SYNE2: variants seen among roughly 807,000 people sequenced by gnomAD.
SYNE2 encodes spectrin repeat containing nuclear envelope protein 2, also known as nesprin-2.
A neutral mutation model predicts 856.3 loss-of-function variants in SYNE2; 431 were observed. The ratio of observed to expected loss-of-function variants is 0.50; its 90% CI spans 0.47 to 0.55. The LOEUF (loss-of-function observed/expected upper bound fraction) is 0.55, where lower values mean the gene tolerates loss of function less well. Ranked by LOEUF, SYNE2 falls within the 20% of genes least tolerant of loss-of-function variation. The pLI is 0.00. For synonymous variants in SYNE2, 2,923 were observed against 2,872.3 expected (o/e 1.02, Z -0.56); for missense variants, 8,129 against 8,023.2 (o/e 1.01, Z -0.50).
intron 109 of SYNE2, 82 bp from the exon 110 acceptor site, chr14:64,219,124 TAA>T: frequency 2.4e-6 from 2 of 845,412 alleles, no homozygotes; most frequent in South Asian, 1.6e-5. Flanking sequence ...TTTTTTTTTT[TAA>T]CCACCCTGAC....
At chr14:64,107,188 A>G (rs1382408272) in intron 64 of SYNE2, among the ~76,000 whole-genome samples, 1 of 152,172 alleles carries the variant, frequency 6.6e-6, no homozygotes, top group Non-Finnish European at 1.5e-5. Flanking sequence ...ACATACTTTT[A>G]AAGAATACTT....
chr14:63,883,314 C>G (rs2094908112), intron 1 of SYNE2, among the ~76,000 whole-genome samples: 2 of 151,940 alleles, frequency 1.3e-5, no homozygotes, highest in South Asian at 2.1e-4. Flanking sequence ...CTGCCTTGGC[C>G]TCCCAAAGTG....
At chr14:63,870,260 T>C (rs1257256845) in intron 1 of SYNE2, among the ~76,000 whole-genome samples, 1 of 151,930 alleles carries the variant, frequency 6.6e-6, no homozygotes, top group African/African-American at 2.4e-5. Flanking sequence ...CTACTCATCA[T>C]TCTAGGCCTG....
chr14:63,979,557 A>G (rs920132664), intron 14 of SYNE2, among the ~76,000 whole-genome samples: 1 of 152,264 alleles, frequency 6.6e-6, no homozygotes, highest in East Asian at 1.9e-4. Context: ...CTACAGCATC[A>G]CAGAAATGTC....
chr14:64,214,516 A>C (rs761688536), intron 106 of SYNE2, 46 bp downstream of exon 106: 1 of 1,565,988 alleles, frequency 6.4e-7, no homozygotes, highest in Non-Finnish European at 8.6e-7. Context: ...CCGTTTGGCT[A>C]TGTTTTTAGC....
Position 63,982,674 on chromosome 14 carries a change from T to C in SYNE2, c.1881T>C (p.Thr627=), listed in dbSNP as rs754900406. 4 of 1,614,174 alleles carry C rather than the reference T, an allele frequency of 2.5e-6. No homozygotes were observed. Among genetic ancestry groups the C allele is most frequent in the Non-Finnish European group, 3.4e-6 (4 of 1,180,010 alleles). ...TLAQWNLEHA[T]LNEAGNFLVE... is the part of the protein sequence containing the mutation. ...CCCAGTGGAATCTAGAACACGCTAC[T>C]TTAAATGAAGCAGGAAATTTCTTAG... is the stretch of plus-strand genomic sequence containing the variant. Residue 627 remains threonine, a synonymous_variant, in exon 17 of 116, where the codon ACT becomes ACC. Transcript: ENST00000555002.
Position 64,093,268 on chromosome 14 carries a change from C to A in SYNE2, c.11977-81C>A. 20 of 1,542,292 alleles carry A rather than the reference C, an allele frequency of 1.3e-5. No homozygotes were observed. In the South Asian group the frequency reaches 2.2e-4, roughly 17 times the overall value. ...ATTTGCTGTGAGTGATTAAAACTTC[C>A]ATGGGGCTAGACAATGAAAATAGTC... is the stretch of plus-strand genomic sequence containing the variant. On this transcript the variant is annotated intron_variant, in intron 60 of 115. Coordinates refer to ENST00000555002, the MANE Select transcript of SYNE2 (RefSeq NM_182914.3).
At chr14:63,814,000 G>C (rs1426444429) in intron 1 of SYNE2, among the ~76,000 whole-genome samples, 1 of 151,962 alleles carries the variant, frequency 6.6e-6, no homozygotes, top group Admixed American at 6.6e-5. Context: ...AGAGGTTGCA[G>C]TAAGCCGAGA....
chr14:64,113,386 G>A lies in SYNE2; in HGVS notation c.12655G>A (p.Ala4219Thr), dbSNP rs138644399. The A allele has an allele frequency of 2.9e-4, 465 of 1,614,084 alleles. 1 individual carries two copies. Among genetic ancestry groups the A allele is most frequent in the Middle Eastern group, 1.0e-3 (6 of 6,012 alleles). ...GGCTGACACTCTGGACTCTTCTGAC[G>A]CGCAAGGAGGTTTGGAGCCCAGGGT... is the stretch of plus-strand genomic sequence containing the variant. ...IEADTLDSSD[A>T]QGGLEPRVEK... Residue 4219 changes from alanine (A) to threonine (T), a missense_variant, in exon 66 of 116, where the codon GCG (alanine) becomes ACG (threonine). Transcript: ENST00000555002.
chr14:64,039,493 A>G (rs1055436115), intron 45 of SYNE2, among the ~76,000 whole-genome samples: 3 of 152,194 alleles, frequency 2.0e-5, no homozygotes, highest in Admixed American at 6.5e-5. Flanking sequence ...AGTTCATGAT[A>G]TTCTTCTCAC....
chr14:64,112,731 C>A (rs887828170), intron 65 of SYNE2, among the ~76,000 whole-genome samples: 1 of 152,128 alleles, frequency 6.6e-6, no homozygotes, highest in Non-Finnish European at 1.5e-5. Flanking sequence ...AAAAAAGTTT[C>A]CAGGTTACCC....
At chr14:64,113,122 A>G in intron 65 of SYNE2, 1 of 985,372 alleles carries the variant, frequency 1.0e-6, no homozygotes, top group South Asian at 4.7e-5. Flanking sequence ...GCCCGGGAAT[A>G]CTGTACCTGC....
chr14:64,120,239 A>G (rs2097888026), intron 67 of SYNE2, among the ~76,000 whole-genome samples: 1 of 151,680 alleles, frequency 6.6e-6, no homozygotes, highest in Non-Finnish European at 1.5e-5. Context: ...TTCCCCTTTC[A>G]TCCTAATATG....
At chr14:64,067,388 A>G (rs562816602) in intron 51 of SYNE2, among the ~76,000 whole-genome samples, 1 of 152,316 alleles carries the variant, frequency 6.6e-6, no homozygotes, top group South Asian at 2.1e-4. Flanking sequence ...CAAGGGGTAG[A>G]AGAGGATTCA....
chr14:64,157,602 A>T (rs1453925914), intron 85 of SYNE2, among the ~76,000 whole-genome samples: 1 of 152,162 alleles, frequency 6.6e-6, no homozygotes, highest in Non-Finnish European at 1.5e-5. Flanking sequence ...TGTGTATAAG[A>T]GTACAATTGT....
At chr14:63,828,003 G>A in intron 1 of SYNE2, among the ~76,000 whole-genome samples, 1 of 150,336 alleles carries the variant, frequency 6.7e-6, no homozygotes, top group Admixed American at 6.6e-5. Flanking sequence ...GACCAGCCTG[G>A]GCAACAAGGC....
upstream of SYNE2, among the ~76,000 whole-genome samples, chr14:63,851,789 A>G (rs1434710979): frequency 2.6e-5 from 4 of 151,856 alleles, no homozygotes; most frequent in Non-Finnish European, 5.9e-5. Flanking sequence ...TTGGAGTTTT[A>G]AGAAAAGTTA....
intron 51 of SYNE2, among the ~76,000 whole-genome samples, chr14:64,067,057 T>C (rs933415889): frequency 6.6e-6 from 1 of 152,352 alleles, no homozygotes; most frequent in South Asian, 2.1e-4. Flanking sequence ...TTGCTCCTTT[T>C]ATTTTATCAC....
intron 1 of SYNE2, among the ~76,000 whole-genome samples, chr14:63,835,983 C>CAAAA (rs369182135): frequency 1.5e-4 from 19 of 128,076 alleles, no homozygotes; most frequent in African/African-American, 3.6e-4. Flanking sequence ...AACTCTGTCT[C>CAAAA]AAAAAAAAAA....
Sources: allele counts gnomAD v4.1 joint callset (sites outside exome capture counted in the v4.1 genomes callset), GRCh38; gene constraint gnomAD v4.1.1; transcripts MANE v1.5; gene names NCBI Gene and HGNC (gene_info 2026-07-23, HGNC 2026-07-21).